Variants in MDN1 observed in about 807,000 individuals in gnomAD.
The protein encoded by MDN1 is midasin.
Under a neutral mutation model 669.2 loss-of-function variants are expected in MDN1, and 266 were observed. The observed-to-expected ratio is 0.40, with a 90% CI of 0.36 to 0.44. The LOEUF (loss-of-function observed/expected upper bound fraction) is 0.44, where lower values mean the gene tolerates loss of function less well. MDN1 is among the 20% of genes least tolerant of loss of function. MDN1 has a pLI of 1.00. For missense variants in MDN1, 5,940 were observed against 6,754.0 expected (o/e 0.88, Z 4.22); for synonymous variants, 2,385 against 2,457.1 (o/e 0.97, Z 0.87).
chr6:89,688,259 T>C, intron 66 of MDN1, 86 bp from the exon 67 acceptor site: 1 of 1,193,668 alleles, frequency 8.4e-7, no homozygotes, highest in Non-Finnish European at 1.2e-6. Flanking sequence ...GACCAGAAGA[T>C]TCCCCCCAGT....
At chr6:89,688,973 C>A (rs1396987314) in intron 65 of MDN1, among the ~76,000 whole-genome samples, 165 bp from the exon 66 acceptor site, 1 of 152,124 alleles carries the variant, frequency 6.6e-6, no homozygotes, top group East Asian at 1.9e-4. Flanking sequence ...AGTTTGAGAC[C>A]ATCCTGGCCA....
intron 35 of MDN1, among the ~76,000 whole-genome samples, 153 bp from the exon 36 acceptor site, chr6:89,729,292 C>T (rs1349975243): frequency 6.6e-6 from 1 of 152,160 alleles, no homozygotes; most frequent in Non-Finnish European, 1.5e-5. Flanking sequence ...TCAATATTTC[C>T]CCACTTTTAG....
At chr6:89,776,078 T>C (rs989519122) in intron 12 of MDN1, among the ~76,000 whole-genome samples, 4 of 152,208 alleles carry the variant, frequency 2.6e-5, no homozygotes, top group Admixed American at 6.5e-5. Flanking sequence ...TAAAACATAG[T>C]TACATTCCTG....
intron 94 of MDN1, 141 bp from the exon 95 acceptor site, chr6:89,652,422 A>G: frequency 1.5e-6 from 1 of 664,948 alleles, no homozygotes; most frequent in African/African-American, 1.8e-5. Context: ...TTCAGCAAAT[A>G]CAGTGGCACA....
intron 83 of MDN1, 39 bp downstream of exon 83, chr6:89,670,880 T>C: frequency 1.3e-6 from 2 of 1,580,638 alleles, no homozygotes; most frequent in South Asian, 2.3e-5. Context: ...TTTACTTGGG[T>C]CCCTGCTGCT....
At chr6:89,736,058 G>A (rs527596374) in intron 33 of MDN1, among the ~76,000 whole-genome samples, 30 of 152,218 alleles carry the variant, frequency 2.0e-4, no homozygotes, top group Admixed American at 5.9e-4. Flanking sequence ...AAAACAAAAA[G>A]CTTTGTCTAG....
At chr6:89,793,599 G>C (rs1412859194) in intron 5 of MDN1, among the ~76,000 whole-genome samples, 163 bp downstream of exon 5, 2 of 152,146 alleles carry the variant, frequency 1.3e-5, no homozygotes, top group Non-Finnish European at 2.9e-5. Context: ...GGAATATCAG[G>C]GGAAAAGCCC....
At chr6:89,696,688 AGCATCACTC>A (rs1812770669) in intron 59 of MDN1, 114 bp from the exon 60 acceptor site, 1 of 731,726 alleles carries the variant, frequency 1.4e-6, no homozygotes. Context: ...GGAACAGGTA[AGCATCACTC>A]AGAGACTGGC....
chr6:89,815,263 CA>C (rs1193860676), intron 1 of MDN1: 1 of 439,320 alleles, frequency 2.3e-6, no homozygotes, highest in Non-Finnish European at 4.4e-6. Context: ...TCTCCCAGCG[CA>C]TCTGATAGTG....
In MDN1 at chr6:89,680,630, C is replaced by G. The variant is rs1299332634; in HGVS notation, c.12224G>C (p.Ser4075Thr). ...RKMCLTFMKE[S>T]PLPRLVEGLD... is the part of the protein sequence containing the mutation. The stretch of plus-strand genomic sequence containing the variant: ...GCCCTCCACAAGGCGAGGCAGGGGG[C>G]TCTCCTTCATGAACGTCAGGCACAT... The change falls in exon 74 of 102, where the codon AGC becomes ACC. Residue 4075 changes from serine to threonine, a missense_variant. By Grantham distance (58) the Ser-to-Thr change is moderately conservative. Transcript: ENST00000369393. 2.5e-6 allele frequency: 4 copies of G among 1,614,068 alleles called. No individual in the cohort carries two copies. The highest frequency in any genetic ancestry group is 2.5e-6 in the Non-Finnish European group (3 of 1,180,046).
rs748402273 is a variant in MDN1, at chr6:89,695,492, A to G, written c.9771+113T>C. On this transcript the variant is annotated intron_variant, in intron 61 of 101. Coordinates refer to ENST00000369393, the MANE Select transcript of MDN1 (RefSeq NM_014611.3). The surrounding 1 kb of genome is among the most constrained non-coding windows in gnomAD (Gnocchi z 4.1). The stretch of plus-strand genomic sequence containing the variant: ...GGGAAGTCATAAGGCAACTTATGCA[A>G]TATCATGCTTGTGATGATCTGAGCA... 4.4e-6 allele frequency: 6 copies of G among 1,358,884 alleles called. No homozygotes were observed. Among genetic ancestry groups the G allele is most frequent in the South Asian group, 1.5e-5 (1 of 68,680 alleles). The allele number at this position is 1,358,884 out of a possible 1,614,324, so 84.2% of individuals were successfully genotyped here.
At chr6:89,746,850 T>A (rs1460306145) in intron 27 of MDN1, among the ~76,000 whole-genome samples, 1 of 152,202 alleles carries the variant, frequency 6.6e-6, no homozygotes, top group African/African-American at 2.4e-5. Context: ...CAAAACACTG[T>A]GTATCCTATC....
chr6:89,798,740 A>C (rs968018918), intron 2 of MDN1, among the ~76,000 whole-genome samples: 1 of 152,218 alleles, frequency 6.6e-6, no homozygotes, highest in African/African-American at 2.4e-5. Context: ...CAATAAAGCC[A>C]TATTTAAAAT....
intron 99 of MDN1, among the ~76,000 whole-genome samples, chr6:89,647,394 A>G (rs138528078): frequency 6.6e-6 from 1 of 152,338 alleles, no homozygotes; most frequent in African/African-American, 2.4e-5. Context: ...GCTTTACTTC[A>G]TATCATTTCT....
chr6:89,644,219 G>A (rs753193293), intron 101 of MDN1, 26 bp from the exon 102 acceptor site: 1 of 1,577,586 alleles, frequency 6.3e-7, no homozygotes, highest in South Asian at 1.2e-5. Context: ...ATTTTGAAAT[G>A]GGGAGGCAGC....
Position 89,718,934 on chromosome 6 carries a change from T to C in MDN1, c.6154A>G (p.Ile2052Val), listed in dbSNP as rs778263001. 1.2e-5 allele frequency: 20 copies of C among 1,614,082 alleles called. No homozygotes were observed. Among genetic ancestry groups the C allele is most frequent in the Non-Finnish European group, 1.5e-5 (18 of 1,180,022 alleles). Residue 2052 changes from isoleucine to valine, a missense_variant, in exon 42 of 102, where the codon ATC becomes GTC. Around this residue, in one of 5 missense-constraint regions of MDN1, gnomAD observed 2,292 missense variants for 2,638.3 expected, o/e 0.87. Coordinates refer to ENST00000369393, the MANE Select transcript of MDN1 (RefSeq NM_014611.3). ...LHQSFQPLES[I>V]MKCVQMSWMV... ...CAGCTCATCTGCACACACTTCATGA[T>C]TGACTCCAGGGGTTGGAATGACTGG... is the stretch of plus-strand genomic sequence containing the variant.
chr6:89,767,617 A>G (rs987464409), intron 15 of MDN1, among the ~76,000 whole-genome samples: 3 of 152,002 alleles, frequency 2.0e-5, no homozygotes. Flanking sequence ...ATTATCCGAC[A>G]TGGTGGTACA....
chr6:89,754,337 T>G, intron 20 of MDN1, 107 bp from the exon 21 acceptor site: 3 of 1,130,230 alleles, frequency 2.7e-6, no homozygotes, highest in South Asian at 1.6e-5. Flanking sequence ...GAAATGATCA[T>G]GCACACAACT....
At chr6:89,795,765 C>T (rs576979038) in intron 2 of MDN1, among the ~76,000 whole-genome samples, 65 of 152,026 alleles carry the variant, frequency 4.3e-4, no homozygotes, top group African/African-American at 1.5e-3. Context: ...ACAGCTGGAC[C>T]AATATGGTGA....
Sources: allele counts gnomAD v4.1 joint callset (sites outside exome capture counted in the v4.1 genomes callset), GRCh38; gene constraint gnomAD v4.1.1; regional missense constraint gnomAD v4.1.1; non-coding constraint Gnocchi (gnomAD v3.1); transcripts MANE v1.5; gene names NCBI Gene and HGNC (gene_info 2026-07-23, HGNC 2026-07-21).